The following PARD3B variants were observed in gnomAD, a reference collection of about 807,000 sequenced individuals.
PARD3B encodes par-3 family cell polarity regulator beta.
A neutral mutation model predicts 130.2 loss-of-function variants in PARD3B; 103 were observed. The observed-to-expected ratio is 0.79, with a 90% confidence interval of 0.67 to 0.93. The LOEUF is 0.93. Among genes scored for constraint, PARD3B ranks in the 40% least tolerant of loss-of-function variants. The probability of loss-of-function intolerance (pLI) is 0.00; values close to 1 mark genes in which losing one functional copy is unlikely to be tolerated. For missense variants in PARD3B, 1,609 were observed against 1,499.2 expected (o/e 1.07, Z -1.21); for synonymous variants, 583 against 553.2 (o/e 1.05, Z -0.76).
chr2:205,418,207 C>T (rs1178130116), intron 19 of PARD3B, among the ~76,000 whole-genome samples: 1 of 152,194 alleles, frequency 6.6e-6, no homozygotes, highest in Non-Finnish European at 1.5e-5. Context: ...TGTGCTGTCA[C>T]ACCTTTGAAT....
chr2:205,027,643 C>A (rs891470005), intron 3 of PARD3B, among the ~76,000 whole-genome samples: 1 of 151,972 alleles, frequency 6.6e-6, no homozygotes, highest in Non-Finnish European at 1.5e-5. Context: ...TTGCCAAGAT[C>A]AATGTAAAGG....
Position 204,678,184 on chromosome 2 carries a change from C to T in PARD3B, c.121-7997C>T, listed in dbSNP as rs1458523434. Among the ~76,000 whole-genome samples the T allele has an allele frequency of 6.6e-6, 1 of 152,112 alleles. No homozygotes were observed. Among genetic ancestry groups the T allele is most frequent in the Non-Finnish European group, 1.5e-5 (1 of 68,022 alleles). On this transcript the variant is annotated intron_variant, in intron 1 of 22. Transcript: ENST00000406610. This position sits in a 1 kb window ranked among gnomAD's most constrained non-coding sequence, Gnocchi z 4.2. Reference sequence around the variant, plus strand: ...AACCGCTTGTGGGAGGGGGAGCACGCAGGTGAGCAGGTGCAGGACCTGGGG... The same window carrying T: ...AACCGCTTGTGGGAGGGGGAGCACGTAGGTGAGCAGGTGCAGGACCTGGGG...
In PARD3B at chr2:205,283,358, A is replaced by G. The variant is rs576376208; in HGVS notation, c.2186-17172A>G. ...GAGTGCAGTGGTGCAAACATGGCTC[A>G]ACTGCAGCCTCAATCTCCTGGGCTC... On this transcript the variant is annotated intron_variant, in intron 16 of 22. Transcript: ENST00000406610. Among the ~76,000 whole-genome samples, 3 of 152,278 alleles carry G rather than the reference A, an allele frequency of 2.0e-5. No homozygotes were observed. In the East Asian group the frequency reaches 5.8e-4, roughly 29 times the overall value.
intron 4 of PARD3B, among the ~76,000 whole-genome samples, chr2:205,074,178 C>T (rs897439039): frequency 6.6e-6 from 1 of 152,116 alleles, no homozygotes; most frequent in Admixed American, 6.6e-5. Flanking sequence ...TGTCAAAATG[C>T]TTGATTCATA....
intron 1 of PARD3B, among the ~76,000 whole-genome samples, chr2:204,625,565 A>T (rs2125132877): frequency 6.6e-6 from 1 of 152,278 alleles, no homozygotes; most frequent in Non-Finnish European, 1.5e-5. Flanking sequence ...TACCCAGCTG[A>T]TTTCAGATCT....
chr2:204,995,684 T>G (rs1202825712), intron 3 of PARD3B, among the ~76,000 whole-genome samples: 1 of 103,246 alleles, frequency 9.7e-6, no homozygotes, highest in Non-Finnish European at 1.9e-5. Context: ...GTTTTCCAAC[T>G]TGGTTCCATT....
intron 16 of PARD3B, among the ~76,000 whole-genome samples, chr2:205,254,819 C>T (rs1213347862): frequency 6.6e-6 from 1 of 151,374 alleles, no homozygotes; most frequent in Non-Finnish European, 1.5e-5. Context: ...CGCCCGCCAC[C>T]TCGCCCGGCT....
intron 21 of PARD3B, among the ~76,000 whole-genome samples, chr2:205,504,527 G>A (rs1217072688): frequency 1.3e-5 from 2 of 152,130 alleles, no homozygotes; most frequent in African/African-American, 4.8e-5. Context: ...AATCTACAAT[G>A]AACTCCAACA....
chr2:204,672,476 A>G (rs888657481), intron 1 of PARD3B, among the ~76,000 whole-genome samples: 1 of 152,208 alleles, frequency 6.6e-6, no homozygotes, highest in Non-Finnish European at 1.5e-5. Flanking sequence ...TTGTTCATCT[A>G]TGGCAAACAG....
intron 22 of PARD3B, among the ~76,000 whole-genome samples, chr2:205,561,529 C>T (rs2053136630): frequency 6.6e-6 from 1 of 152,182 alleles, no homozygotes; most frequent in Non-Finnish European, 1.5e-5. Context: ...ACAAGGCCAG[C>T]TTGTCAAATA....
At chr2:204,662,008 G>C (rs1197945030) in intron 1 of PARD3B, among the ~76,000 whole-genome samples, 1 of 152,124 alleles carries the variant, frequency 6.6e-6, no homozygotes, top group Non-Finnish European at 1.5e-5. Context: ...CTTGACAAAT[G>C]GTAGTTTCTT....
At chr2:205,023,302 A>G (rs1575576945) in intron 3 of PARD3B, among the ~76,000 whole-genome samples, 1 of 152,124 alleles carries the variant, frequency 6.6e-6, no homozygotes, top group Non-Finnish European at 1.5e-5. Context: ...CACAATGTCG[A>G]TTAAAATAAT....
At chr2:204,821,671 T>C (rs1457620660) in intron 2 of PARD3B, among the ~76,000 whole-genome samples, 1 of 151,530 alleles carries the variant, frequency 6.6e-6, no homozygotes, top group Non-Finnish European at 1.5e-5. Context: ...TGTACACATG[T>C]ACCCTAAAAC....
intron 18 of PARD3B, among the ~76,000 whole-genome samples, chr2:205,372,320 G>A (rs556743119): frequency 2.6e-5 from 4 of 152,274 alleles, no homozygotes; most frequent in South Asian, 4.1e-4. Context: ...ACAAACATGT[G>A]TTCTTATCTA....
At chr2:204,696,567 G>A (rs1368724932) in intron 2 of PARD3B, among the ~76,000 whole-genome samples, 1 of 152,000 alleles carries the variant, frequency 6.6e-6, no homozygotes, top group Non-Finnish European at 1.5e-5. Flanking sequence ...TGAGGTACCT[G>A]TTCCAAATTC....
chr2:205,373,038 C>T (rs144786421), intron 18 of PARD3B, among the ~76,000 whole-genome samples: 1 of 152,266 alleles, frequency 6.6e-6, no homozygotes, highest in African/African-American at 2.4e-5. Context: ...AAAAACTAAA[C>T]TTTTAGTATT....
At chr2:204,901,873 G>A (rs909429495) in intron 2 of PARD3B, among the ~76,000 whole-genome samples, 1 of 152,120 alleles carries the variant, frequency 6.6e-6, no homozygotes, top group African/African-American at 2.4e-5. Flanking sequence ...TCTGGCTCAG[G>A]GTGTGCCTGG....
At chr2:204,670,887 G>A (rs1239780009) in intron 1 of PARD3B, among the ~76,000 whole-genome samples, 2 of 152,116 alleles carry the variant, frequency 1.3e-5, no homozygotes, top group Middle Eastern at 3.4e-3. Context: ...TATGTAAAAT[G>A]TCTCTTACTG....
chr2:204,904,472 A>C (rs1485847510), intron 2 of PARD3B, among the ~76,000 whole-genome samples: 1 of 152,180 alleles, frequency 6.6e-6, no homozygotes, highest in Non-Finnish European at 1.5e-5. Flanking sequence ...TTCCTTTGGA[A>C]AACTTGTATT....
Sources: allele counts gnomAD v4.1 joint callset (sites outside exome capture counted in the v4.1 genomes callset), GRCh38; gene constraint gnomAD v4.1.1; non-coding constraint Gnocchi (gnomAD v3.1); transcripts MANE v1.5; gene names NCBI Gene and HGNC (gene_info 2026-07-23, HGNC 2026-07-21).